The following LMO7 variants were observed in gnomAD, a reference collection of about 807,000 sequenced individuals.
The protein encoded by LMO7 is LIM domain 7, also known as LIM domain only protein 7.
LMO7 carries 120 observed loss-of-function variants against 206.5 expected under a neutral mutation model. The observed-to-expected ratio is 0.58, with a 90% CI of 0.50 to 0.68. The LOEUF (loss-of-function observed/expected upper bound fraction) is 0.68. Ranked by LOEUF, LMO7 falls within the 30% of genes least tolerant of loss-of-function variation. LMO7 has a pLI of 0.00. For missense variants in LMO7, 1,959 were observed against 1,957.9 expected (o/e 1.00, Z -0.01); for synonymous variants, 706 against 681.5 (o/e 1.04, Z -0.56).
At chr13:75,760,505 A>G (rs2139676274) in intron 3 of LMO7, 1 of 1,287,990 alleles carries the variant, frequency 7.8e-7, no homozygotes, top group East Asian at 3.0e-5. Context: ...CTTCCCTGCC[A>G]ACAGTTTCTG....
intron 1 of LMO7, among the ~76,000 whole-genome samples, chr13:75,640,232 A>G (rs1013555098): frequency 8.5e-5 from 13 of 152,274 alleles, no homozygotes; most frequent in Admixed American, 7.8e-4. Context: ...CATAGTGATT[A>G]CAGGTGTGAG....
chr13:75,632,447 T>A (rs2138830977), upstream of LMO7, among the ~76,000 whole-genome samples: 1 of 152,354 alleles, frequency 6.6e-6, no homozygotes, highest in East Asian at 1.9e-4. Flanking sequence ...CAAAGGGAAA[T>A]AACCTTCAAC....
intron 11 of LMO7, among the ~76,000 whole-genome samples, chr13:75,815,284 C>T (rs2056861197): frequency 6.6e-6 from 1 of 152,034 alleles, no homozygotes; most frequent in African/African-American, 2.4e-5. Flanking sequence ...TCACTTGGAT[C>T]AGGGTGTAAT....
Position 75,623,420 on chromosome 13 carries a change from G to A in LMO7, c.225+100G>A, listed in dbSNP as rs559648548. 15 of 678,404 alleles carry A rather than the reference G, an allele frequency of 2.2e-5. No individual in the cohort carries two copies. In the African/African-American group the frequency reaches 2.6e-4, roughly 12 times the overall value. 42.0% of individuals were successfully genotyped at this position (678,404 alleles called of 1,614,324 possible). On this transcript the variant is annotated intron_variant, in intron 2 of 29. Transcript: ENST00000341547. ...GCTCTGTTGCCCAGGGTGGAGTGCA[G>A]TGGTGCCATCTAGGGTCACTGCAAC...
chr13:75,767,209 C>T (rs1302377679), intron 4 of LMO7, among the ~76,000 whole-genome samples: 3 of 152,070 alleles, frequency 2.0e-5, no homozygotes, highest in African/African-American at 7.2e-5. Context: ...GAATGCTTAA[C>T]TGACATTTAA....
intron 1 of LMO7, among the ~76,000 whole-genome samples, chr13:75,680,834 T>G (rs571073501): frequency 5.3e-5 from 8 of 152,236 alleles, no homozygotes; most frequent in African/African-American, 1.9e-4. Flanking sequence ...GGTTTTCTGT[T>G]CTCGTCATAG....
intron 30 of LMO7, chr13:75,856,961 G>T: frequency 6.2e-6 from 1 of 162,158 alleles, no homozygotes; most frequent in Non-Finnish European, 1.3e-5. Context: ...TTTGTTTCTT[G>T]ACTAAAGATT....
chr13:75,720,091 A>T (rs2043892764), intron 2 of LMO7, among the ~76,000 whole-genome samples: 1 of 152,134 alleles, frequency 6.6e-6, no homozygotes. Flanking sequence ...ATAACATATG[A>T]TGTGGAGCAT....
In LMO7 at chr13:75,652,614, AGTGTGTGTGTGT is replaced by A. The variant is rs59671117; in HGVS notation, c.69+15921_69+15932del. The stretch of plus-strand genomic sequence containing the variant: ...GTTCATTGTGTTTAACCACAAGTTC[AGTGTGTGTGTGT>A]GTGTGTGTGTGTGTGTGTGTGTGTG... On this transcript the variant is annotated intron_variant, in intron 1 of 30. Coordinates refer to ENST00000377534, the MANE Select transcript of LMO7 (RefSeq NM_001306080.2). Among the ~76,000 whole-genome samples the A allele has an allele frequency of 2.6e-3, 361 of 137,946 alleles. 1 individual carries two copies. The highest frequency in any genetic ancestry group is 4.2e-3 in the Admixed American group (57 of 13,598). The allele number at this position is 137,946 out of a possible 152,430, so 90.5% of individuals were successfully genotyped here.
Position 75,835,222 on chromosome 13 carries a change from C to T in LMO7, c.3227-11C>T, listed in dbSNP as rs2059024762. On this transcript the variant is annotated splice_polypyrimidine_tract_variant and intron_variant, in intron 17 of 30. Transcript: ENST00000377534. ...CCCTCAATCTCACCAGTATGGCTAC[C>T]AAAATTATAGGTTCACCTGAAACAA... 6.2e-7 allele frequency: 1 copy of T among 1,612,066 alleles called. No homozygotes were observed. Among genetic ancestry groups the T allele is most frequent in the East Asian group, 2.2e-5 (1 of 44,786 alleles).
intron 12 of LMO7, 130 bp downstream of exon 12, chr13:75,817,408 A>T (rs1409762313): frequency 3.8e-6 from 2 of 532,752 alleles, no homozygotes; most frequent in Non-Finnish European, 6.6e-6. Flanking sequence ...AATGTGACCA[A>T]CTTTCTTTAC....
At chr13:75,712,082 G>T (rs532121444) in intron 1 of LMO7, among the ~76,000 whole-genome samples, 1 of 152,290 alleles carries the variant, frequency 6.6e-6, no homozygotes, top group African/African-American at 2.4e-5. Flanking sequence ...GGGCACTGTG[G>T]AGAGATGCAG....
At chr13:75,727,679 G>T (rs2044613574) in intron 3 of LMO7, among the ~76,000 whole-genome samples, 1 of 151,758 alleles carries the variant, frequency 6.6e-6, no homozygotes, top group African/African-American at 2.4e-5. Context: ...CAACGTGCAG[G>T]TTAGTTACAT....
At chr13:75,792,935 T>A (rs2053507058) in intron 4 of LMO7, among the ~76,000 whole-genome samples, 1 of 152,188 alleles carries the variant, frequency 6.6e-6, no homozygotes, top group Non-Finnish European at 1.5e-5. Flanking sequence ...GTATTTCCAA[T>A]GATTGTTTTA....
chr13:75,781,295 A>T, intron 4 of LMO7, among the ~76,000 whole-genome samples: 1 of 77,762 alleles, frequency 1.3e-5, no homozygotes, highest in Non-Finnish European at 2.2e-5. Context: ...ACCCCACAAC[A>T]GTCCCCAGAG....
At position 75,857,952 on chromosome 13, in the gene LMO7, T is replaced by A. The variant is rs2061101216; in HGVS notation, c.*9T>A. On this transcript the variant is annotated 3_prime_UTR_variant, in exon 31 of 31. Transcript: ENST00000377534. ...GGCCAACCGCCATGTGATGTAAGCC[T>A]CCATACGAAAGCACTGTTGCAGATA... 1 of 1,609,516 alleles carries A rather than the reference T, an allele frequency of 6.2e-7. No individual in the cohort carries two copies. The highest frequency in any genetic ancestry group is 1.3e-5 in the African/African-American group (1 of 74,578).
In LMO7 at chr13:75,823,758, C is replaced by T. The variant is rs1214239753; in HGVS notation, c.2834C>T (p.Ser945Phe). The T allele has an allele frequency of 1.9e-6, 3 of 1,614,014 alleles. No homozygotes were observed. The highest frequency in any genetic ancestry group is 1.7e-6 in the Non-Finnish European group (2 of 1,180,006). The change falls in exon 15 of 31, where the codon TCC becomes TTC. Residue 945 changes from serine to phenylalanine, a missense_variant. Coordinates refer to ENST00000377534, the MANE Select transcript of LMO7 (RefSeq NM_001306080.2). Reference sequence around the variant, plus strand: ...CCTACATCCCCCTTCTCATCTCTTTCCCAAGACCAGGCTGCCACTTCTAAA... The same window carrying T: ...CCTACATCCCCCTTCTCATCTCTTTTCCAAGACCAGGCTGCCACTTCTAAA... Reference protein sequence around the residue: ...PSPTSPFSSLSQDQAATSKAT... With the variant: ...PSPTSPFSSLFQDQAATSKAT...
chr13:75,780,417 T>C (rs932301753), intron 4 of LMO7, among the ~76,000 whole-genome samples: 11 of 152,218 alleles, frequency 7.2e-5, no homozygotes, highest in East Asian at 1.9e-4. Flanking sequence ...ATTTCTCTTA[T>C]TCGTTTTGGA....
intron 1 of LMO7, among the ~76,000 whole-genome samples, chr13:75,681,930 C>G (rs2040573627): frequency 6.6e-6 from 1 of 151,500 alleles, no homozygotes; most frequent in Non-Finnish European, 1.5e-5. Context: ...TGGGTTGTTT[C>G]CAGTTTTTTG....
Sources: gnomAD v4.1 joint callset for allele counts (sites outside exome capture counted in the v4.1 genomes callset) on GRCh38, gnomAD v4.1.1 for gene constraint, MANE v1.5 for transcripts, NCBI Gene and HGNC (gene_info 2026-07-23, HGNC 2026-07-21) for gene names.